Variants in POU6F2 observed in about 807,000 individuals in gnomAD.
POU6F2 encodes the protein POU domain, class 6, transcription factor 2.
Under a neutral mutation model 71.3 loss-of-function variants are expected in POU6F2, and 31 were observed. The ratio of observed to expected loss-of-function variants is 0.43; its 90% CI spans 0.33 to 0.59. The LOEUF is 0.59. Ranked by LOEUF, POU6F2 falls within the 20% of genes least tolerant of loss-of-function variation. The probability of loss-of-function intolerance (pLI) is 0.04; values close to 1 mark genes in which losing one functional copy is unlikely to be tolerated. For missense variants in POU6F2, 783 were observed against 856.8 expected, an observed-to-expected ratio of 0.91 and a Z score of 1.07; for synonymous variants, 347 against 355.7, an observed-to-expected ratio of 0.98 and a Z score of 0.27.
intron 2 of POU6F2, among the ~76,000 whole-genome samples, chr7:39,105,991 C>A (rs1791676343): frequency 6.6e-6 from 1 of 152,126 alleles, no homozygotes; most frequent in Non-Finnish European, 1.5e-5. Context: ...TGCTTGTAAC[C>A]ACTCTCTGTA....
At chr7:39,364,260 C>CTTTTTTTTTTTTT (rs112590056) in intron 5 of POU6F2, among the ~76,000 whole-genome samples, 2 of 143,916 alleles carry the variant, frequency 1.4e-5, no homozygotes, top group African/African-American at 2.6e-5. Context: ...TCTCTATTCT[C>CTTTTTTTTTTTTT]TTTTTTTTTT....
intron 5 of POU6F2, among the ~76,000 whole-genome samples, chr7:39,372,760 A>T (rs563077542): frequency 1.1e-4 from 16 of 152,326 alleles, no homozygotes; most frequent in African/African-American, 3.6e-4. Flanking sequence ...GTACAAACTT[A>T]GTGCTTCTCA....
intron 5 of POU6F2, among the ~76,000 whole-genome samples, chr7:39,366,524 C>T (rs966266689): frequency 2.6e-5 from 4 of 152,118 alleles, no homozygotes; most frequent in African/African-American, 9.7e-5. Context: ...AGCTTCTAAA[C>T]TGTGGTCTTC....
At chr7:39,295,970 C>G (rs1784837830) in intron 4 of POU6F2, among the ~76,000 whole-genome samples, 2 of 152,176 alleles carry the variant, frequency 1.3e-5, no homozygotes, top group South Asian at 4.1e-4. Flanking sequence ...TAATGAGGAG[C>G]TAGTGCTGTT....
chr7:39,149,595 C>T (rs1242355313), intron 2 of POU6F2, among the ~76,000 whole-genome samples: 1 of 152,144 alleles, frequency 6.6e-6, no homozygotes, highest in Non-Finnish European at 1.5e-5. Flanking sequence ...TTAGTCCTCA[C>T]GTTGTACATC....
At chr7:39,065,953 T>A (rs1790746037) in intron 1 of POU6F2, among the ~76,000 whole-genome samples, 1 of 151,778 alleles carries the variant, frequency 6.6e-6, no homozygotes, top group African/African-American at 2.4e-5. Flanking sequence ...TATAAGCCAA[T>A]TGTCTTGATA....
chr7:39,462,571 C>G (rs1788974986), intron 9 of POU6F2, among the ~76,000 whole-genome samples: 1 of 152,120 alleles, frequency 6.6e-6, no homozygotes, highest in South Asian at 2.1e-4. Flanking sequence ...CACTGTAAAG[C>G]CTGTTGTGAC....
intron 1 of POU6F2, among the ~76,000 whole-genome samples, chr7:39,053,545 A>G (rs1790441856): frequency 6.6e-6 from 1 of 152,104 alleles, no homozygotes; most frequent in Non-Finnish European, 1.5e-5. Context: ...GTTACTTAAA[A>G]TATAAAATGT....
chr7:39,179,592 C>T (rs1793399587), intron 2 of POU6F2, among the ~76,000 whole-genome samples: 1 of 152,224 alleles, frequency 6.6e-6, no homozygotes, highest in Admixed American at 6.5e-5. Flanking sequence ...ACATAGAAAC[C>T]ACCTGGGGAT....
chr7:38,979,821 A>G (rs949700254), intron 1 of POU6F2, among the ~76,000 whole-genome samples: 2 of 152,138 alleles, frequency 1.3e-5, no homozygotes, highest in African/African-American at 4.8e-5. Context: ...GAATTACTGT[A>G]CTTCAATCTC....
At chr7:39,087,485 C>T (rs1364341176) in intron 2 of POU6F2, among the ~76,000 whole-genome samples, 1 of 152,086 alleles carries the variant, frequency 6.6e-6, no homozygotes, top group Non-Finnish European at 1.5e-5. Flanking sequence ...TTAGCATTTT[C>T]ACCCTAAAGA....
In POU6F2 at chr7:39,339,821, G is replaced by C; in HGVS notation, c.778G>C (p.Ala260Pro). 1 of 1,493,470 alleles carries C rather than the reference G, an allele frequency of 6.7e-7. No homozygotes were observed. Among genetic ancestry groups the C allele is most frequent in the Non-Finnish European group, 9.0e-7 (1 of 1,111,760 alleles). The allele number at this position is 1,493,470 out of a possible 1,614,324, so 92.5% of individuals were successfully genotyped here. ...QPTPPQQPPPASQQPPAPTSQ... is the reference protein window; with the variant it reads ...QPTPPQQPPPPSQQPPAPTSQ... ...CACCCCACCCCAGCAGCCACCACCC[G>C]CCTCTCAGCAGCCGCCAGCTCCTAC... The change falls in exon 5 of 10, where the codon GCC (alanine) becomes CCC (proline). Residue 260 changes from alanine (A) to proline (P), a missense_variant. Physicochemically the swap from Ala to Pro is conservative, Grantham distance 27 (BLOSUM62 -1). Coordinates refer to ENST00000518318, the MANE Select transcript of POU6F2 (RefSeq NM_001370959.1).
intron 4 of POU6F2, among the ~76,000 whole-genome samples, chr7:39,214,411 A>G (rs1490210151): frequency 6.6e-6 from 1 of 152,012 alleles, no homozygotes; most frequent in Non-Finnish European, 1.5e-5. Context: ...AGGACCTTTT[A>G]CAAAATCTCA....
At chr7:39,016,024 T>TATATATA (rs1789523493) in intron 1 of POU6F2, among the ~76,000 whole-genome samples, 1 of 60,018 alleles carries the variant, frequency 1.7e-5, no homozygotes, top group Non-Finnish European at 3.1e-5. Flanking sequence ...TTATATATAT[T>TATATATA]ATATATAGAT....
chr7:39,026,668 T>C (rs968161359), intron 1 of POU6F2, among the ~76,000 whole-genome samples: 3 of 152,068 alleles, frequency 2.0e-5, no homozygotes, highest in African/African-American at 7.2e-5. Context: ...AGTTAATGGG[T>C]GCAGCACACC....
At chr7:39,419,106 T>C (rs143344445) in intron 6 of POU6F2, among the ~76,000 whole-genome samples, 1,198 of 73,470 alleles carry the variant, frequency 0.016, 17 homozygotes, top group Middle Eastern at 0.047. Context: ...TATATACACA[T>C]ATATACGTAT....
intron 1 of POU6F2, among the ~76,000 whole-genome samples, chr7:39,069,172 C>A (rs2128717693): frequency 6.6e-6 from 1 of 152,294 alleles, no homozygotes; most frequent in South Asian, 2.1e-4. Flanking sequence ...CCAGTGTCAC[C>A]ACAGAGCTAA....
intron 2 of POU6F2, among the ~76,000 whole-genome samples, chr7:39,167,821 G>T (rs1363749690): frequency 6.6e-6 from 1 of 151,454 alleles, no homozygotes; most frequent in Non-Finnish European, 1.5e-5. Context: ...ATTCTTCATT[G>T]TCTTCAAAGT....
At chr7:39,095,014 G>A (rs1014191922) in intron 2 of POU6F2, among the ~76,000 whole-genome samples, 1 of 152,102 alleles carries the variant, frequency 6.6e-6, no homozygotes, top group Non-Finnish European at 1.5e-5. Flanking sequence ...AAAAGGAGAA[G>A]CATGCAAAAA....
Sources: allele counts gnomAD v4.1 joint callset (sites outside exome capture counted in the v4.1 genomes callset), GRCh38; gene constraint gnomAD v4.1.1; transcripts MANE v1.5; gene names NCBI Gene and HGNC (gene_info 2026-07-23, HGNC 2026-07-21).